PTK2: variants seen among roughly 807,000 people sequenced by gnomAD.
PTK2 encodes the protein protein tyrosine kinase 2.
A neutral mutation model predicts 150.1 loss-of-function variants in PTK2; 45 were observed. The ratio of observed to expected loss-of-function variants is 0.30; its 90% confidence interval spans 0.24 to 0.38. The LOEUF (loss-of-function observed/expected upper bound fraction) is 0.38. Among genes scored for constraint, PTK2 ranks in the 10% least tolerant of loss-of-function variants. The probability of loss-of-function intolerance (pLI) is 1.00; values close to 1 mark genes in which losing one functional copy is unlikely to be tolerated. For synonymous variants in PTK2, 432 were observed against 449.2 expected (o/e 0.96, Z 0.48); for missense variants, 919 against 1,307.3 (o/e 0.70, Z 4.58).
chr8:140,669,567 T>C (rs2094488209), intron 29 of PTK2, 160 bp downstream of exon 33: 4 of 704,478 alleles, frequency 5.7e-6, no homozygotes, highest in South Asian at 1.9e-5. Context: ...CTTTTGCATA[T>C]ATAAACACTG....
intron 7 of PTK2, among the ~76,000 whole-genome samples, chr8:140,843,414 CTCTA>C (rs1567386914): frequency 1.3e-5 from 2 of 152,166 alleles, no homozygotes. Flanking sequence ...CTCACATAGA[CTCTA>C]TCTTTCAGTT....
intron 22 of PTK2, among the ~76,000 whole-genome samples, chr8:140,719,911 A>T (rs1592063362): frequency 7.4e-6 from 1 of 134,988 alleles, no homozygotes; most frequent in East Asian, 2.1e-4. Flanking sequence ...AAAAAAAAAA[A>T]AAATCAAAAA....
At chr8:140,924,048 T>C (rs1288634248) in intron 2 of PTK2, among the ~76,000 whole-genome samples, 2 of 152,138 alleles carry the variant, frequency 1.3e-5, no homozygotes. Context: ...CCTACATACT[T>C]AGCACAGTCT....
At chr8:140,736,319 C>CATAT (rs2100052574) in intron 21 of PTK2, among the ~76,000 whole-genome samples, 1 of 151,970 alleles carries the variant, frequency 6.6e-6, no homozygotes, top group Non-Finnish European at 1.5e-5. Flanking sequence ...GGATCTAAAC[C>CATAT]CTGGATACAT....
chr8:140,874,305 C>CTA (rs1299167687), intron 4 of PTK2, among the ~76,000 whole-genome samples: 1 of 152,166 alleles, frequency 6.6e-6, no homozygotes, highest in East Asian at 1.9e-4. Context: ...TGAATAGACT[C>CTA]TATAGCAGAT....
chr8:140,772,465 G>A (rs1373994524), intron 14 of PTK2, among the ~76,000 whole-genome samples: 1 of 152,188 alleles, frequency 6.6e-6, no homozygotes, highest in Non-Finnish European at 1.5e-5. Context: ...GTGTGATGCA[G>A]GATGAATTCT....
chr8:140,944,964 T>C (rs2100177178), intron 1 of PTK2, among the ~76,000 whole-genome samples: 1 of 152,222 alleles, frequency 6.6e-6, no homozygotes. Context: ...CTACGCCATA[T>C]AGACGAAAGT....
intron 25 of PTK2, among the ~76,000 whole-genome samples, chr8:140,702,200 T>TA (rs1366969287): frequency 6.9e-6 from 1 of 145,910 alleles, no homozygotes; most frequent in African/African-American, 2.5e-5. Flanking sequence ...AAAGGTACCT[T>TA]AGGCCATGCT....
chr8:140,879,441 G>C, intron 4 of PTK2, 30 bp downstream of exon 4: 1 of 1,563,120 alleles, frequency 6.4e-7, no homozygotes, highest in Non-Finnish European at 8.7e-7. Context: ...AATCAAGTGT[G>C]CATCACACCA....
chr8:140,959,979 G>A (rs2100182550), intron 1 of PTK2, among the ~76,000 whole-genome samples: 1 of 150,394 alleles, frequency 6.6e-6, no homozygotes, highest in South Asian at 2.1e-4. Context: ...TCACACCACT[G>A]CACTCCACAC....
chr8:140,911,317 A>G (rs914524162), intron 2 of PTK2, among the ~76,000 whole-genome samples: 2 of 152,132 alleles, frequency 1.3e-5, no homozygotes, highest in Non-Finnish European at 2.9e-5. Flanking sequence ...ACAACTGTTA[A>G]CCATATTGTC....
chr8:140,926,372 C>G (rs2100169467), intron 1 of PTK2, among the ~76,000 whole-genome samples: 1 of 152,178 alleles, frequency 6.6e-6, no homozygotes, highest in South Asian at 2.1e-4. Context: ...AAACCACCAC[C>G]TATAGTATCA....
At chr8:140,981,964 ATT>A (rs2100191604) in intron 1 of PTK2, among the ~76,000 whole-genome samples, 1 of 151,452 alleles carries the variant, frequency 6.6e-6, no homozygotes, top group African/African-American at 2.4e-5. Context: ...TTTTACACAT[ATT>A]CTTTTGTATT....
chr8:140,951,453 T>G (rs2100179516), intron 1 of PTK2, among the ~76,000 whole-genome samples: 1 of 152,224 alleles, frequency 6.6e-6, no homozygotes, highest in Admixed American at 6.5e-5. Context: ...ACATATGGAC[T>G]GACCATCTGT....
At chr8:140,852,255 T>A (rs1265516033) in intron 5 of PTK2, among the ~76,000 whole-genome samples, 2 of 152,218 alleles carry the variant, frequency 1.3e-5, no homozygotes, top group Non-Finnish European at 1.5e-5. Flanking sequence ...TACAACAGAT[T>A]AACGACAGTT....
intron 2 of PTK2, among the ~76,000 whole-genome samples, chr8:140,894,992 TGAAA>T (rs2100155591): frequency 6.6e-6 from 1 of 152,054 alleles, no homozygotes; most frequent in Non-Finnish European, 1.5e-5. Context: ...ATACACTGAG[TGAAA>T]GAGAAAGATT....
rs180913638 is a variant in PTK2, at chr8:140,910,017, T to C, written c.-33+15644A>G. On this transcript the variant is annotated intron_variant, in intron 2 of 31. Coordinates refer to ENST00000522684, the Ensembl canonical transcript of PTK2. ...CTATTAAAAAAAATATGGGTTTTTT[T>C]CTAAACTGAAAATCTATCATGAGTA... 1.0e-3 allele frequency among the ~76,000 whole-genome samples: 158 copies of C among 152,306 alleles called. 1 individual carries two copies. The highest frequency in any genetic ancestry group is 1.9e-3 in the Non-Finnish European group (128 of 68,024).
chr8:140,727,554 A>G (rs1283086771), intron 22 of PTK2, among the ~76,000 whole-genome samples: 1 of 152,122 alleles, frequency 6.6e-6, no homozygotes, highest in Non-Finnish European at 1.5e-5. Flanking sequence ...CTTTGAAAGG[A>G]ATTTTGGAAG....
At chr8:140,702,221 C>CT (rs1564688517) in intron 25 of PTK2, among the ~76,000 whole-genome samples, 54 of 112,650 alleles carry the variant, frequency 4.8e-4, no homozygotes, top group African/African-American at 1.5e-3. Flanking sequence ...TTATTTATTA[C>CT]CTTTTTTTTT....
Sources: gnomAD v4.1 joint callset for allele counts (sites outside exome capture counted in the v4.1 genomes callset) on GRCh38, gnomAD v4.1.1 for gene constraint, MANE v1.5 for transcripts, NCBI Gene and HGNC (gene_info 2026-07-23, HGNC 2026-07-21) for gene names.